The following BBS9 variants were observed in gnomAD, a reference collection of about 807,000 sequenced individuals.
BBS9 encodes protein PTHB1.
Under a neutral mutation model 117.7 loss-of-function variants are expected in BBS9, and 89 were observed. The ratio of observed to expected loss-of-function variants is 0.76; its 90% CI spans 0.64 to 0.90. The LOEUF (loss-of-function observed/expected upper bound fraction) is 0.90, where lower values mean the gene tolerates loss of function less well. Among genes scored for constraint, BBS9 ranks in the 40% least tolerant of loss-of-function variants. The pLI is 0.00. For missense variants in BBS9, 982 were observed against 1,042.2 expected (o/e 0.94, Z 0.80); for synonymous variants, 379 against 370.9 (o/e 1.02, Z -0.25).
intron 19 of BBS9, among the ~76,000 whole-genome samples, chr7:33,491,786 A>G (rs879692458): frequency 1.1e-4 from 16 of 152,258 alleles, no homozygotes; most frequent in Admixed American, 1.0e-3. Flanking sequence ...TACAAAATCA[A>G]TCCCATGAAG....
intron 21 of BBS9, among the ~76,000 whole-genome samples, chr7:33,576,658 A>G (rs947281047): frequency 1.3e-5 from 2 of 152,202 alleles, no homozygotes; most frequent in South Asian, 2.1e-4. Context: ...TTCAAACTAT[A>G]CTACAAGGCT....
At chr7:33,602,689 A>G (rs944021192) in intron 21 of BBS9, among the ~76,000 whole-genome samples, 5 of 152,134 alleles carry the variant, frequency 3.3e-5, no homozygotes, top group South Asian at 2.1e-4. Flanking sequence ...AGTTCACGCC[A>G]TTGCACTCCA....
chr7:33,510,011 A>G (rs1031896835), intron 20 of BBS9, among the ~76,000 whole-genome samples: 7 of 152,162 alleles, frequency 4.6e-5, no homozygotes, highest in Non-Finnish European at 1.0e-4. Flanking sequence ...GCTCAAAGTT[A>G]TATGGGCCAG....
chr7:33,294,418 T>C (rs772839841), intron 9 of BBS9, among the ~76,000 whole-genome samples: 2 of 151,658 alleles, frequency 1.3e-5, no homozygotes, highest in Non-Finnish European at 2.9e-5. Flanking sequence ...TCCATCCGAG[T>C]ATGTATGTAC....
chr7:33,532,674 T>C (rs1206305101), intron 20 of BBS9, among the ~76,000 whole-genome samples: 2 of 151,816 alleles, frequency 1.3e-5, no homozygotes, highest in Non-Finnish European at 2.9e-5. Context: ...AACTACAAAA[T>C]GAGATGTCGG....
chr7:33,564,106 A>G (rs1352026622), intron 21 of BBS9, among the ~76,000 whole-genome samples: 1 of 152,168 alleles, frequency 6.6e-6, no homozygotes, highest in Non-Finnish European at 1.5e-5. Context: ...CTTTTGAGCT[A>G]TCACCTCCCC....
chr7:33,462,385 A>G (rs766773958), intron 19 of BBS9, among the ~76,000 whole-genome samples: 1 of 152,130 alleles, frequency 6.6e-6, no homozygotes, highest in Admixed American at 6.6e-5. Flanking sequence ...TAAATGCAGT[A>G]ATATAGTTGA....
intron 19 of BBS9, among the ~76,000 whole-genome samples, chr7:33,392,352 A>G (rs1050440202): frequency 1.3e-5 from 2 of 152,140 alleles, no homozygotes; most frequent in Non-Finnish European, 2.9e-5. Flanking sequence ...TCAGCTCGGG[A>G]CTGGATAGCT....
intron 19 of BBS9, among the ~76,000 whole-genome samples, chr7:33,407,133 C>G (rs891165988): frequency 5.9e-5 from 9 of 152,136 alleles, no homozygotes; most frequent in Non-Finnish European, 1.2e-4. Flanking sequence ...TTGCTCATTT[C>G]TTTTTATTCT....
intron 21 of BBS9, among the ~76,000 whole-genome samples, chr7:33,629,135 G>A (rs557361808): frequency 6.6e-6 from 1 of 152,282 alleles, no homozygotes; most frequent in African/African-American, 2.4e-5. Flanking sequence ...GTTGAATAGA[G>A]CCTGTACACA....
chr7:33,349,195 G>A, intron 13 of BBS9, 25 bp downstream of exon 13: 1 of 1,514,956 alleles, frequency 6.6e-7, no homozygotes, highest in South Asian at 1.1e-5. Context: ...TTGGCTGAAA[G>A]TCTACCATGG....
rs144714819 is a variant in BBS9, at chr7:33,272,315, T to G, written c.703-697T>G. Among the ~76,000 whole-genome samples the G allele has an allele frequency of 2.6e-5, 4 of 152,304 alleles. No homozygotes were observed. The East Asian group carries it at 5.8e-4, about 22-fold the overall frequency. On this transcript the variant is annotated intron_variant, in intron 7 of 22. Transcript: ENST00000242067. ...AACCTCTGTGAAATGAATTTACCTGTATAACAAACCTTCCTATGTATCCCT... is the reference window on the plus strand; with the variant it reads ...AACCTCTGTGAAATGAATTTACCTGGATAACAAACCTTCCTATGTATCCCT...
At chr7:33,322,356 C>CTTTTTTT (rs35411730) in intron 9 of BBS9, among the ~76,000 whole-genome samples, 13 of 74,172 alleles carry the variant, frequency 1.8e-4, no homozygotes, top group East Asian at 5.2e-4. Context: ...GGGTCTCAGG[C>CTTTTTTT]TTTTTTTTTT....
At chr7:33,340,418 A>G (rs1299866405) in intron 10 of BBS9, among the ~76,000 whole-genome samples, 1 of 152,190 alleles carries the variant, frequency 6.6e-6, no homozygotes, top group African/African-American at 2.4e-5. Flanking sequence ...TTTAATAATT[A>G]GCCTATTAAT....
In BBS9 at chr7:33,152,846, T is replaced by A; in HGVS notation, c.258T>A (p.Phe86Leu). ...TACTTCAAGTGGAAGTAGGAAAGTT[T>A]GTTTCGTAAGTAAGCCCACTAATTC... ...DPVLQVEVGK[F>L]VSGTEMLHLA... Residue 86 changes from phenylalanine to leucine, a missense_variant, in exon 3 of 23, where the codon TTT (phenylalanine) becomes TTA (leucine). By Grantham distance (22) the Phe-to-Leu change is conservative (BLOSUM62 0). Transcript: ENST00000242067. The A allele has an allele frequency of 6.2e-7, 1 of 1,613,968 alleles. No individual in the cohort carries two copies. Among genetic ancestry groups the A allele is most frequent in the Non-Finnish European group, 8.5e-7 (1 of 1,179,948 alleles).
chr7:33,241,141 GT>G (rs1794452927), intron 5 of BBS9, among the ~76,000 whole-genome samples: 1 of 152,048 alleles, frequency 6.6e-6, no homozygotes, highest in African/African-American at 2.4e-5. Context: ...GCGTTAGTGT[GT>G]TAGGAACCTA....
intron 4 of BBS9, among the ~76,000 whole-genome samples, chr7:33,167,914 T>C (rs538079594): frequency 4.3e-4 from 66 of 152,318 alleles, no homozygotes; most frequent in Non-Finnish European, 7.6e-4. Flanking sequence ...TATAAAGACA[T>C]AATTGACAAG....
At chr7:33,270,223 A>G (rs1273093462) in intron 7 of BBS9, among the ~76,000 whole-genome samples, 1 of 152,120 alleles carries the variant, frequency 6.6e-6, no homozygotes, top group East Asian at 1.9e-4. Context: ...TACTCAATTT[A>G]CACCTCACGA....
chr7:33,224,687 G>A (rs544764136), intron 5 of BBS9, among the ~76,000 whole-genome samples: 1 of 152,226 alleles, frequency 6.6e-6, no homozygotes, highest in East Asian at 1.9e-4. Context: ...TCTGGATTTT[G>A]CTCATTGCAT....
Sources: allele counts gnomAD v4.1 joint callset (sites outside exome capture counted in the v4.1 genomes callset), GRCh38; gene constraint gnomAD v4.1.1; transcripts MANE v1.5; gene names NCBI Gene and HGNC (gene_info 2026-07-23, HGNC 2026-07-21).